Variants in ZNF37A observed in about 807,000 individuals in gnomAD.
The protein encoded by ZNF37A is zinc finger protein 37a (KOX 21).
A neutral mutation model predicts 12.3 loss-of-function variants in ZNF37A; 10 were observed. The observed-to-expected ratio is 0.82, with a 90% CI of 0.50 to 1.38. The LOEUF (loss-of-function observed/expected upper bound fraction) is 1.38. Ranked by LOEUF, ZNF37A falls within the 40% of genes most tolerant of loss-of-function variation. The pLI, the probability that ZNF37A is intolerant of heterozygous loss-of-function variation, is 0.00. For missense variants in ZNF37A, 580 were observed against 651.2 expected (o/e 0.89, Z 1.19); for synonymous variants, 207 against 223.0 (o/e 0.93, Z 0.64).
intron 7 of ZNF37A, among the ~76,000 whole-genome samples, chr10:38,136,601 T>C (rs1316555017): frequency 1.3e-5 from 2 of 152,236 alleles, no homozygotes. Context: ...TTTTAATATT[T>C]TGATTATAAT....
exon 8 of ZNF37A, chr10:38,147,802 G>A (rs1031929751): frequency 2.6e-5 from 4 of 152,170 alleles, no homozygotes; most frequent in African/African-American, 9.7e-5. Context: ...GGAAACTGAT[G>A]CCACAGGAAA....
At chr10:38,097,991 A>T (rs1472083281) in intron 5 of ZNF37A, among the ~76,000 whole-genome samples, 1 of 152,180 alleles carries the variant, frequency 6.6e-6, no homozygotes, top group Non-Finnish European at 1.5e-5. Flanking sequence ...CCTCTGCTCC[A>T]GCCCCTAGCA....
At chr10:38,130,177 A>C (rs1056146286), downstream of ZNF37A, among the ~76,000 whole-genome samples, 5 of 152,144 alleles carry the variant, frequency 3.3e-5, no homozygotes, top group African/African-American at 1.2e-4. Flanking sequence ...TAACATTTTC[A>C]TGGCCCATCC....
chr10:38,125,909 CG>C (rs1422304258), downstream of ZNF37A, among the ~76,000 whole-genome samples: 1 of 152,114 alleles, frequency 6.6e-6, no homozygotes, highest in Admixed American at 6.5e-5. Flanking sequence ...CCTCAGCTTT[CG>C]GTCATAGCAG....
Position 38,119,235 on chromosome 10 carries a change from A to ATG in ZNF37A, c.*401_*402dup. 9.6e-7 allele frequency: 1 copy of ATG among 1,041,474 alleles called. No homozygotes were observed. Among genetic ancestry groups the ATG allele is most frequent in the Non-Finnish European group, 1.2e-6 (1 of 853,572 alleles). The allele number at this position is 1,041,474 out of a possible 1,614,324, so 64.5% of individuals were successfully genotyped here. On this transcript the variant is annotated 3_prime_UTR_variant, in exon 8 of 8. Coordinates refer to ENST00000685332, the MANE Select transcript of ZNF37A (RefSeq NM_001324250.3). The stretch of plus-strand genomic sequence containing the variant: ...TGGAGAAACCTTTTGGGTGTAATGA[A>ATG]TGTGGGAAAACCTTTCATCAGAAGT...
At chr10:38,107,662 T>A (rs906412668) in intron 5 of ZNF37A, among the ~76,000 whole-genome samples, 3 of 152,128 alleles carry the variant, frequency 2.0e-5, no homozygotes, top group African/African-American at 7.2e-5. Flanking sequence ...TGGAGGAATA[T>A]TTACCAAGCA....
chr10:38,097,327 C>A (rs1208577413), intron 5 of ZNF37A, among the ~76,000 whole-genome samples: 1 of 152,100 alleles, frequency 6.6e-6, no homozygotes, highest in Non-Finnish European at 1.5e-5. Context: ...TGCCTATAAT[C>A]CCAACACTTT....
intron 7 of ZNF37A, among the ~76,000 whole-genome samples, chr10:38,145,203 A>G (rs2070235734): frequency 8.1e-6 from 1 of 122,968 alleles, no homozygotes; most frequent in South Asian, 2.3e-4. Flanking sequence ...ACAACAATAA[A>G]AGCGGATCCA....
At chr10:38,101,823 CTTTT>C (rs3041908) in intron 5 of ZNF37A, among the ~76,000 whole-genome samples, 6 of 133,148 alleles carry the variant, frequency 4.5e-5, no homozygotes, top group Non-Finnish European at 6.4e-5. Flanking sequence ...TTTTATTTTT[CTTTT>C]TTTTTTTTTT....
At chr10:38,140,477 A>G (rs765017138) in intron 7 of ZNF37A, 1 of 152,250 alleles carries the variant, frequency 6.6e-6, no homozygotes, top group Non-Finnish European at 1.5e-5. Context: ...GTACAAGACT[A>G]GAAAAAATCC....
chr10:38,104,592 G>A (rs532891710), intron 5 of ZNF37A, among the ~76,000 whole-genome samples: 1 of 151,950 alleles, frequency 6.6e-6, no homozygotes, highest in African/African-American at 2.4e-5. Context: ...CAACAGATGT[G>A]CCTGGCCCAT....
chr10:38,104,775 T>TACAC (rs34085657), intron 5 of ZNF37A, among the ~76,000 whole-genome samples: 313 of 151,332 alleles, frequency 2.1e-3, no homozygotes, highest in South Asian at 8.8e-3. Flanking sequence ...TATGTATACA[T>TACAC]ACACACACAC....
At chr10:38,144,397 A>G (rs1374975878) in intron 7 of ZNF37A, 3 of 152,196 alleles carry the variant, frequency 2.0e-5, no homozygotes, top group East Asian at 1.9e-4. Context: ...TACTGTCTGT[A>G]TATTTTTGTT....
chr10:38,096,637 GTTGT>G lies in ZNF37A; in HGVS notation c.15+8_15+11del, dbSNP rs1590775706. 1 of 1,612,446 alleles carries G rather than the reference GTTGT, an allele frequency of 6.2e-7. No individual in the cohort carries two copies. The highest frequency in any genetic ancestry group is 8.5e-7 in the Non-Finnish European group (1 of 1,179,356). On this transcript the variant is annotated splice_donor_region_variant and intron_variant, in intron 5 of 7. Transcript: ENST00000685332. ...TGGAAGATGATCACATCCCAGGTAA[GTTGT>G]TTATTTTTTCACCGTTTTGCTTAAA...
Position 38,123,627 on chromosome 10 carries a change from G to A in ZNF37A, c.*4790G>A, listed in dbSNP as rs1200225789. The stretch of plus-strand genomic sequence containing the variant: ...GGTGTTCACAACCAGAATATATAAG[G>A]AGCTATAACAATTCTATAGAAAAAA... On this transcript the variant is annotated 3_prime_UTR_variant, in exon 8 of 8. Transcript: ENST00000685332. 5 of 151,574 alleles carry A rather than the reference G, an allele frequency of 3.3e-5. No homozygotes were observed. Among genetic ancestry groups the A allele is most frequent in the Non-Finnish European group, 5.9e-5 (4 of 67,962 alleles). The allele number at this position is 151,574 out of a possible 1,614,324, so 9.4% of individuals were successfully genotyped here.
intron 7 of ZNF37A, chr10:38,142,404 A>C (rs2070196304): frequency 6.6e-6 from 1 of 152,236 alleles, no homozygotes; most frequent in Admixed American, 6.5e-5. Flanking sequence ...TACTCTTACC[A>C]TCAGAAAATA....
At chr10:38,102,574 GA>G (rs1328706053) in intron 5 of ZNF37A, among the ~76,000 whole-genome samples, 2 of 152,138 alleles carry the variant, frequency 1.3e-5, no homozygotes, top group Non-Finnish European at 2.9e-5. Flanking sequence ...ATAAAAAAAA[GA>G]GAGAACATAA....
At chr10:38,117,269 G>A in intron 7 of ZNF37A, 121 bp from the exon 8 acceptor site, 1 of 1,459,606 alleles carries the variant, frequency 6.9e-7, no homozygotes, top group East Asian at 2.4e-5. Context: ...TGTGCACATT[G>A]TCATAACATA....
exon 8 of ZNF37A, chr10:38,147,054 A>G: frequency 3.5e-6 from 1 of 283,562 alleles, no homozygotes; most frequent in Non-Finnish European, 6.5e-6. Context: ...ATCTGCAGCA[A>G]AAACATGTTG....
Sources: allele counts gnomAD v4.1 joint callset (sites outside exome capture counted in the v4.1 genomes callset), GRCh38; gene constraint gnomAD v4.1.1; transcripts MANE v1.5; gene names NCBI Gene and HGNC (gene_info 2026-07-23, HGNC 2026-07-21).